Variants in NEDD4L observed in about 807,000 individuals in gnomAD.
The protein encoded by NEDD4L is E3 ubiquitin-protein ligase NEDD4-like.
NEDD4L carries 54 observed loss-of-function variants against 148.9 expected under a neutral mutation model. The observed-to-expected ratio is 0.36, with a 90% CI of 0.29 to 0.45. The LOEUF is 0.45. Ranked by LOEUF, NEDD4L falls within the 20% of genes least tolerant of loss-of-function variation. NEDD4L has a pLI of 1.00. For synonymous variants in NEDD4L, 433 were observed against 440.7 expected (o/e 0.98, Z 0.22); for missense variants, 856 against 1,233.8 (o/e 0.69, Z 4.59).
intron 16 of NEDD4L, among the ~76,000 whole-genome samples, chr18:58,343,420 A>G (rs1156827856): frequency 2.0e-5 from 3 of 152,246 alleles, no homozygotes; most frequent in Non-Finnish European, 4.4e-5. Context: ...ATCCCGTCTC[A>G]CAAAGTAATC....
intron 1 of NEDD4L, among the ~76,000 whole-genome samples, chr18:58,078,644 A>C (rs1425671536): frequency 6.6e-6 from 1 of 152,196 alleles, no homozygotes; most frequent in African/African-American, 2.4e-5. Flanking sequence ...TCCACGTTTG[A>C]CTAGTTTTTA....
At chr18:58,264,170 G>A (rs1017062165) in intron 5 of NEDD4L, among the ~76,000 whole-genome samples, 2 of 151,852 alleles carry the variant, frequency 1.3e-5, no homozygotes, top group Admixed American at 6.6e-5. Flanking sequence ...TTCTTACTAC[G>A]GTAATTATCT....
chr18:58,357,001 G>T (rs57928540), intron 18 of NEDD4L, among the ~76,000 whole-genome samples, 193 bp from the exon 19 acceptor site: 1 of 152,156 alleles, frequency 6.6e-6, no homozygotes, highest in East Asian at 1.9e-4. Flanking sequence ...TAACTAAACA[G>T]TATGTGAGGG....
At chr18:58,159,434 T>C (rs540720790) in intron 1 of NEDD4L, among the ~76,000 whole-genome samples, 1 of 152,290 alleles carries the variant, frequency 6.6e-6, no homozygotes, top group Admixed American at 6.5e-5. Flanking sequence ...ACAGGGATAC[T>C]ACTCTGGAGC....
chr18:58,349,056 CAGA>C (rs1568800807), intron 16 of NEDD4L, among the ~76,000 whole-genome samples: 2 of 152,110 alleles, frequency 1.3e-5, no homozygotes, highest in East Asian at 1.9e-4. Flanking sequence ...CTGCTGAGTT[CAGA>C]AGGAGTGGAG....
intron 2 of NEDD4L, among the ~76,000 whole-genome samples, chr18:58,198,981 G>A (rs1475440569): frequency 6.6e-6 from 1 of 152,118 alleles, no homozygotes; most frequent in African/African-American, 2.4e-5. Context: ...TAGTAGAGAC[G>A]GGGTTTTGCC....
intron 1 of NEDD4L, among the ~76,000 whole-genome samples, chr18:58,103,263 ATATAT>A (rs1157142148): frequency 2.2e-5 from 3 of 134,208 alleles, no homozygotes; most frequent in Non-Finnish European, 4.5e-5. Context: ...TGGATATATT[ATATAT>A]TATAATTATA....
intron 24 of NEDD4L, among the ~76,000 whole-genome samples, chr18:58,374,070 T>C (rs2047240927): frequency 6.6e-6 from 1 of 152,200 alleles, no homozygotes; most frequent in Non-Finnish European, 1.5e-5. Flanking sequence ...AATTAGACCA[T>C]AGAACTCATT....
At position 58,396,158 on chromosome 18, in the gene NEDD4L, C is replaced by G. The variant is rs1602110862; in HGVS notation, c.2826-9C>G. On this transcript the variant is annotated splice_polypyrimidine_tract_variant and intron_variant, in intron 30 of 30. Coordinates refer to ENST00000400345, the MANE Select transcript of NEDD4L (RefSeq NM_001144967.3). ...GGCTTTTCACCTACACTTTTTGTTC[C>G]TTTTGCAGCTTTAATCGCCTTGACT... The G allele has an allele frequency of 6.2e-7, 1 of 1,603,946 alleles. No homozygotes were observed. Among genetic ancestry groups the G allele is most frequent in the East Asian group, 2.2e-5 (1 of 44,792 alleles).
intron 1 of NEDD4L, among the ~76,000 whole-genome samples, chr18:58,113,527 G>C (rs1041217574): frequency 6.6e-6 from 1 of 152,160 alleles, no homozygotes; most frequent in Non-Finnish European, 1.5e-5. Flanking sequence ...GGAGGAGCTT[G>C]CCTGGGAAGG....
chr18:58,145,751 C>T (rs867821621), intron 1 of NEDD4L, among the ~76,000 whole-genome samples: 14 of 152,084 alleles, frequency 9.2e-5, no homozygotes, highest in South Asian at 2.1e-4. Context: ...ACTTAAGGCT[C>T]TTTGTATATT....
chr18:58,306,937 T>C (rs2057137259), intron 5 of NEDD4L, among the ~76,000 whole-genome samples: 1 of 152,188 alleles, frequency 6.6e-6, no homozygotes, highest in Non-Finnish European at 1.5e-5. Context: ...CCCAGGCAAG[T>C]TTCTTAACCT....
At chr18:58,208,742 A>G (rs925386164) in intron 2 of NEDD4L, among the ~76,000 whole-genome samples, 8 of 152,204 alleles carry the variant, frequency 5.3e-5, no homozygotes, top group African/African-American at 1.9e-4. Context: ...ACATTTCTGA[A>G]CCTGGAGAAG....
intron 1 of NEDD4L, among the ~76,000 whole-genome samples, chr18:58,101,880 A>C (rs1555691894): frequency 6.6e-6 from 1 of 152,162 alleles, no homozygotes; most frequent in Non-Finnish European, 1.5e-5. Context: ...AAGTGGGTGA[A>C]TTATTCATGA....
Position 58,082,147 on chromosome 18 carries a change from G to T in NEDD4L, c.48+37439G>T, listed in dbSNP as rs189477324. On this transcript the variant is annotated intron_variant, in intron 1 of 30. Transcript: ENST00000400345. ...CTTGAGATGGAGTCTTGCTCTTGTC[G>T]CCCAGACTGGAGTGCAATGGCATGA... Among the ~76,000 whole-genome samples the T allele has an allele frequency of 4.6e-3, 524 of 114,898 alleles. 4 individuals are homozygous for T. The highest frequency in any genetic ancestry group is 0.017 in the African/African-American group (503 of 28,772). 75.4% of individuals were successfully genotyped at this position (114,898 alleles called of 152,430 possible).
At chr18:58,323,361 C>T (rs1412052614) in intron 8 of NEDD4L, 27 bp downstream of exon 8, 1 of 1,167,934 alleles carries the variant, frequency 8.6e-7, no homozygotes, top group Non-Finnish European at 1.3e-6. Context: ...AGGCCTCTCT[C>T]CTTGCCTTGA....
In NEDD4L at chr18:58,275,147, A is replaced by G. The variant is rs144737133; in HGVS notation, c.297+23093A>G. Among the ~76,000 whole-genome samples, 559 of 152,360 alleles carry G rather than the reference A, an allele frequency of 3.7e-3. 2 individuals carry two copies. The highest frequency in any genetic ancestry group is 6.4e-3 in the Non-Finnish European group (438 of 68,034). On this transcript the variant is annotated intron_variant, in intron 5 of 30. Coordinates refer to ENST00000400345, the MANE Select transcript of NEDD4L (RefSeq NM_001144967.3). ...CTGATAACTTAAACAGTTGATTAGC[A>G]TATATATTTTATGTTATAAAAATTA...
intron 6 of NEDD4L, among the ~76,000 whole-genome samples, chr18:58,320,909 A>G (rs897095365): frequency 6.6e-6 from 1 of 152,242 alleles, no homozygotes; most frequent in African/African-American, 2.4e-5. Context: ...CCTTATATAT[A>G]TTTACAAACC....
intron 2 of NEDD4L, among the ~76,000 whole-genome samples, chr18:58,174,172 G>A (rs1327870072): frequency 2.6e-5 from 4 of 152,094 alleles, no homozygotes; most frequent in East Asian, 1.9e-4. Flanking sequence ...AATAGCTCTC[G>A]GTGGAGAGGG....
Sources: allele counts gnomAD v4.1 joint callset (sites outside exome capture counted in the v4.1 genomes callset), GRCh38; gene constraint gnomAD v4.1.1; transcripts MANE v1.5; gene names NCBI Gene and HGNC (gene_info 2026-07-23, HGNC 2026-07-21).